CRIM1: variants seen among roughly 807,000 people sequenced by gnomAD.
CRIM1 encodes cysteine-rich motor neuron 1 protein.
In CRIM1, 32 loss-of-function variants were observed where a neutral mutation model predicts 116.4. The observed-to-expected ratio is 0.27, with a 90% CI of 0.21 to 0.37. CRIM1 has a LOEUF of 0.37. Among genes scored for constraint, CRIM1 ranks in the 10% least tolerant of loss-of-function variants. The pLI is 1.00. For synonymous variants in CRIM1, 590 were observed against 509.2 expected (o/e 1.16, Z -2.13); for missense variants, 1,331 against 1,354.8 (o/e 0.98, Z 0.28).
At chr2:36,448,350 A>G (rs1186057059) in intron 4 of CRIM1, among the ~76,000 whole-genome samples, 1 of 152,250 alleles carries the variant, frequency 6.6e-6, no homozygotes, top group Non-Finnish European at 1.5e-5. Context: ...CCTGGTGTCC[A>G]CCAGCCCAGA....
intron 1 of CRIM1, among the ~76,000 whole-genome samples, chr2:36,385,465 G>A (rs951024096): frequency 2.6e-5 from 4 of 152,120 alleles, no homozygotes; most frequent in Admixed American, 6.6e-5. Context: ...CGTTTTCCTC[G>A]ATGATAGATT....
chr2:36,478,421 T>A (rs1055154033), intron 6 of CRIM1, among the ~76,000 whole-genome samples: 1 of 152,204 alleles, frequency 6.6e-6, no homozygotes, highest in Non-Finnish European at 1.5e-5. Flanking sequence ...TACTGAGTTG[T>A]CTGGGCATGG....
chr2:36,512,408 C>CA lies in CRIM1; in HGVS notation c.1780+15dup. On this transcript the variant is annotated intron_variant, in intron 10 of 16. Transcript: ENST00000280527. ...GCAAGTGCAGAGGTAAGTGTGTACA[C>CA]ATGGCCCTTCCCCCTCAAAGCAGCC... 1 of 1,598,836 alleles carries CA rather than the reference C, an allele frequency of 6.3e-7. No homozygotes were observed. The highest frequency in any genetic ancestry group is 2.2e-5 in the East Asian group (1 of 44,454).
rs1344015591 is a variant in CRIM1, at chr2:36,383,139, CATGTGG to C, written c.332-13474_332-13469del. Among the ~76,000 whole-genome samples the C allele has an allele frequency of 3.3e-5, 5 of 151,808 alleles. No homozygotes were observed. The East Asian group carries it at 9.6e-4, about 29-fold the overall frequency. Reference sequence around the variant, plus strand: ...CTTGAAAAATTTATCTACTTAACTGCATGTGGGAATACATATTTCTGTAGCATGTGG... The same window carrying C: ...CTTGAAAAATTTATCTACTTAACTGCGAATACATATTTCTGTAGCATGTGG... On this transcript the variant is annotated intron_variant, in intron 1 of 16. Coordinates refer to ENST00000280527, the MANE Select transcript of CRIM1 (RefSeq NM_016441.3).
chr2:36,367,830 C>T (rs972633990), intron 1 of CRIM1, among the ~76,000 whole-genome samples: 4 of 152,168 alleles, frequency 2.6e-5, no homozygotes, highest in African/African-American at 4.8e-5. Flanking sequence ...TCATATTCAC[C>T]GTGGCTGAGT....
chr2:36,483,964 G>A (rs1342938475), intron 7 of CRIM1, among the ~76,000 whole-genome samples: 1 of 152,222 alleles, frequency 6.6e-6, no homozygotes, highest in African/African-American at 2.4e-5. Flanking sequence ...ACATAAGTAA[G>A]AGTGTTATGG....
chr2:36,550,284 T>C lies in CRIM1; in HGVS notation c.*1583T>C, dbSNP rs1167419669. 1 of 152,248 alleles carries C rather than the reference T, an allele frequency of 6.6e-6. No homozygotes were observed. The highest frequency in any genetic ancestry group is 2.4e-5 in the African/African-American group (1 of 41,298). 9.4% of individuals were successfully genotyped at this position (152,248 alleles called of 1,614,324 possible). ...ATGGTTTGAAACAACTACTGGAATA[T>C]TGTCCACAATAAGCTGGAAGTTTGT... On this transcript the variant is annotated 3_prime_UTR_variant, in exon 17 of 17. Transcript: ENST00000280527.
At chr2:36,465,116 CT>C (rs1358057410) in intron 5 of CRIM1, among the ~76,000 whole-genome samples, 3 of 152,202 alleles carry the variant, frequency 2.0e-5, no homozygotes, top group Non-Finnish European at 2.9e-5. Flanking sequence ...TGCACCTGAT[CT>C]TAGCCAAAAG....
At chr2:36,402,882 G>A (rs111845380) in intron 2 of CRIM1, among the ~76,000 whole-genome samples, 38 of 152,048 alleles carry the variant, frequency 2.5e-4, no homozygotes, top group African/African-American at 8.2e-4. Flanking sequence ...CAGGAGTTTT[G>A]GGCAAATTAA....
At chr2:36,522,377 C>T (rs1439348144) in intron 13 of CRIM1, 64 bp downstream of exon 13, 1 of 1,233,052 alleles carries the variant, frequency 8.1e-7, no homozygotes, top group East Asian at 2.3e-5. Flanking sequence ...TATTGACAGC[C>T]ATTTGCTAGA....
At chr2:36,472,035 A>C (rs530976903) in intron 5 of CRIM1, among the ~76,000 whole-genome samples, 1 of 152,322 alleles carries the variant, frequency 6.6e-6, no homozygotes, top group African/African-American at 2.4e-5. Context: ...CTCTTTTAGG[A>C]GTTCTGAAGT....
At chr2:36,508,367 G>T (rs537382253) in intron 8 of CRIM1, among the ~76,000 whole-genome samples, 3 of 152,032 alleles carry the variant, frequency 2.0e-5, no homozygotes, top group Non-Finnish European at 4.4e-5. Context: ...TGTAAAACAC[G>T]GACCCATTTC....
chr2:36,391,528 ACATATTGGCTAAAT>A (rs1671604043), intron 1 of CRIM1, among the ~76,000 whole-genome samples: 1 of 152,152 alleles, frequency 6.6e-6, no homozygotes. Context: ...TTTACCAGTT[ACATATTGGCTAAAT>A]CACATTAAAG....
At chr2:36,464,125 C>A (rs764521855) in intron 4 of CRIM1, among the ~76,000 whole-genome samples, 1 of 152,098 alleles carries the variant, frequency 6.6e-6, no homozygotes. Context: ...AACATGAGGC[C>A]ATTTAGCACG....
At chr2:36,529,427 C>T in intron 13 of CRIM1, 1 of 226,064 alleles carries the variant, frequency 4.4e-6, no homozygotes, top group Non-Finnish European at 9.2e-6. Flanking sequence ...AGTTGTATTT[C>T]TTCCTCCTTA....
At position 36,446,215 on chromosome 2, in the gene CRIM1, C is replaced by T. The variant is rs1325608643; in HGVS notation, c.869+3480C>T. ...TTGAAGAATACATTCCTCCCTCCTT[C>T]ATTCCCATCCAAATGGAATTGCCCT... On this transcript the variant is annotated intron_variant, in intron 4 of 16. Transcript: ENST00000280527. Among the ~76,000 whole-genome samples, 4 of 152,300 alleles carry T rather than the reference C, an allele frequency of 2.6e-5. No homozygotes were observed. The East Asian group carries it at 7.7e-4, about 29-fold the overall frequency.
intron 2 of CRIM1, among the ~76,000 whole-genome samples, chr2:36,410,290 A>C (rs1673108560): frequency 1.3e-5 from 2 of 152,138 alleles, no homozygotes; most frequent in Admixed American, 1.3e-4. Flanking sequence ...TTTCCCGAAA[A>C]GCAAATGAAG....
intron 10 of CRIM1, among the ~76,000 whole-genome samples, chr2:36,512,888 A>T (rs994569975): frequency 3.3e-5 from 5 of 152,212 alleles, no homozygotes; most frequent in African/African-American, 1.2e-4. Context: ...CAGAGCCTGG[A>T]TATCCCTGCT....
At chr2:36,439,005 G>T (rs1440553332) in intron 2 of CRIM1, among the ~76,000 whole-genome samples, 1 of 152,210 alleles carries the variant, frequency 6.6e-6, no homozygotes, top group Non-Finnish European at 1.5e-5. Flanking sequence ...TAGGACAGAG[G>T]CTGTTTTATT....
Sources: allele counts gnomAD v4.1 joint callset (sites outside exome capture counted in the v4.1 genomes callset), GRCh38; gene constraint gnomAD v4.1.1; transcripts MANE v1.5; gene names NCBI Gene and HGNC (gene_info 2026-07-23, HGNC 2026-07-21).